CLEC4F: variants seen among roughly 807,000 people sequenced by gnomAD.
The protein encoded by CLEC4F is C-type (calcium dependent, carbohydrate-recognition domain) lectin, superfamily member 13.
Under a neutral mutation model 53.4 loss-of-function variants are expected in CLEC4F, and 45 were observed. That is an observed-to-expected ratio of 0.84 (90% CI 0.66 to 1.08). The LOEUF (loss-of-function observed/expected upper bound fraction) is 1.08. Ranked by LOEUF, CLEC4F falls within the 50% of genes least tolerant of loss-of-function variation. CLEC4F has a pLI of 0.00. For synonymous variants in CLEC4F, 245 were observed against 257.5 expected (o/e 0.95, Z 0.46); for missense variants, 753 against 698.2 (o/e 1.08, Z -0.88).
chr2:70,811,622 T>C (rs1553394290), intron 5 of CLEC4F: 1 of 302,494 alleles, frequency 3.3e-6, no homozygotes, highest in Non-Finnish European at 6.5e-6. Context: ...TTGTGGTTCT[T>C]TGTTAGTAAT....
At position 70,809,079 on chromosome 2, in the gene CLEC4F, C is replaced by T. The variant is rs1194595877; in HGVS notation, c.*192G>A. 167 of 1,545,996 alleles carry T rather than the reference C, an allele frequency of 1.1e-4. 2 individuals are homozygous for T. Among genetic ancestry groups the T allele is most frequent in the Non-Finnish European group, 1.4e-4 (165 of 1,146,916 alleles). ...TGTCAGACTGATTCTTTTCCCAAAA[C>T]CCGAAGACAACAGGGCTTTATACTG... On this transcript the variant is annotated 3_prime_UTR_variant, in exon 7 of 7. Transcript: ENST00000272367.
chr2:70,812,492 C>T lies in CLEC4F; in HGVS notation c.1494G>A (p.Val498=), dbSNP rs966927379. ...CAGATGCCAGATGGGCTCCCTGGGA[C>T]ACGCAGAACTGCTCAGCCTCATGCC... ...KSWHEAEQFC[V]SQGAHLASVA... Residue 498 remains valine (V), a synonymous_variant, in exon 5 of 7, where the codon GTG becomes GTA. Transcript: ENST00000272367. 9 of 1,614,082 alleles carry T rather than the reference C, an allele frequency of 5.6e-6. No individual in the cohort carries two copies. The highest frequency in any genetic ancestry group is 1.3e-5 in the African/African-American group (1 of 74,930).
intron 4 of CLEC4F, among the ~76,000 whole-genome samples, chr2:70,814,899 T>C (rs1385257869): frequency 6.7e-6 from 1 of 149,224 alleles, no homozygotes; most frequent in East Asian, 2.0e-4. Context: ...TTTTCAAAGC[T>C]CCTTGGGCGA....
At chr2:70,812,683 GC>G in intron 4 of CLEC4F, 85 bp from the exon 5 acceptor site, 1 of 1,364,342 alleles carries the variant, frequency 7.3e-7, no homozygotes, top group Non-Finnish European at 1.0e-6. Flanking sequence ...TCTAGGGCCT[GC>G]CCACTGAGGT....
chr2:70,819,519 G>T, intron 2 of CLEC4F, 75 bp from the exon 3 acceptor site: 1 of 1,391,042 alleles, frequency 7.2e-7, no homozygotes, highest in Non-Finnish European at 1.0e-6. Flanking sequence ...CCACACAGAG[G>T]TAGAGTTCCA....
chr2:70,809,038 T>G lies in CLEC4F; in HGVS notation c.*233A>C. The G allele has an allele frequency of 6.6e-7, 1 of 1,509,908 alleles. No individual in the cohort carries two copies. Among genetic ancestry groups the G allele is most frequent in the Non-Finnish European group, 8.9e-7 (1 of 1,122,306 alleles). The allele number at this position is 1,509,908 out of a possible 1,614,324, so 93.5% of individuals were successfully genotyped here. On this transcript the variant is annotated 3_prime_UTR_variant, in exon 7 of 7. Coordinates refer to ENST00000272367, the MANE Select transcript of CLEC4F (RefSeq NM_173535.3). ...TTGGACACAGTCTTCAGTCTGCCCA[T>G]TCTTGTGCCGCCAGTTGTCAGACTG...
intron 3 of CLEC4F, among the ~76,000 whole-genome samples, chr2:70,818,600 A>G (rs1677057358): frequency 6.6e-6 from 1 of 151,762 alleles, no homozygotes. Context: ...AGTCCTAGCT[A>G]CTCCAGAGGC....
At chr2:70,812,798 C>T (rs57342687) in intron 4 of CLEC4F, among the ~76,000 whole-genome samples, 200 bp from the exon 5 acceptor site, 2,316 of 152,262 alleles carry the variant, frequency 0.015, 58 homozygotes, top group African/African-American at 0.053. Context: ...GCCCTCAAGA[C>T]GCCTGGCTTG....
chr2:70,822,469 GC>G (rs1553398223), upstream of CLEC4F, among the ~76,000 whole-genome samples: 2 of 152,156 alleles, frequency 1.3e-5, no homozygotes, highest in African/African-American at 4.8e-5. Context: ...TGCTGGGTGG[GC>G]CTAGCATTAG....
intron 5 of CLEC4F, among the ~76,000 whole-genome samples, chr2:70,810,339 C>T (rs1553393874): frequency 1.3e-5 from 2 of 152,038 alleles, no homozygotes; most frequent in African/African-American, 2.4e-5. Context: ...CCATTTTAGG[C>T]CAGGCACAGT....
chr2:70,818,279 A>T lies in CLEC4F; in HGVS notation c.268+1076T>A, dbSNP rs1225553535. ...AGAATACGGAAGTAGACCCCCACAC[A>T]TATGGACAATCGAATTTCAACAAAG... On this transcript the variant is annotated intron_variant, in intron 3 of 6. Transcript: ENST00000272367. 3.3e-5 allele frequency among the ~76,000 whole-genome samples: 5 copies of T among 152,244 alleles called. No homozygotes were observed. The East Asian group carries it at 9.6e-4, about 29-fold the overall frequency.
upstream of CLEC4F, among the ~76,000 whole-genome samples, chr2:70,823,531 G>A (rs548825308): frequency 2.1e-4 from 32 of 152,328 alleles, no homozygotes; most frequent in African/African-American, 6.7e-4. Context: ...GAACTCTACG[G>A]ATCCCTTGCC....
rs1553393259 is a variant in CLEC4F at position 70,808,723 on chromosome 2, C to G, written c.*548G>C. 3.5e-6 allele frequency: 1 copy of G among 282,978 alleles called. No individual in the cohort carries two copies. Among genetic ancestry groups the G allele is most frequent in the African/African-American group, 2.2e-5 (1 of 45,790 alleles). The allele number at this position is 282,978 out of a possible 1,614,324, so 17.5% of individuals were successfully genotyped here. A position where few individuals can be genotyped will look rare whatever the true frequency, so the allele number is the denominator to read the frequency against. On this transcript the variant is annotated 3_prime_UTR_variant, in exon 7 of 7. Coordinates refer to ENST00000272367, the MANE Select transcript of CLEC4F (RefSeq NM_173535.3). ...GGGTGCTGAGGCTACAGGGGCACAG[C>G]AAGGCTCTTCCCTTGAGAAGCCACT... is the stretch of plus-strand genomic sequence containing the variant.
upstream of CLEC4F, among the ~76,000 whole-genome samples, chr2:70,822,014 C>T (rs1165435438): frequency 2.6e-5 from 4 of 152,202 alleles, no homozygotes; most frequent in African/African-American, 9.6e-5. Context: ...CCACCTCAGC[C>T]TCCCAAAGTG....
In CLEC4F at chr2:70,816,817, T is replaced by C; in HGVS notation, c.564A>G (p.Glu188=). Residue 188 remains glutamate (E), a synonymous_variant, in exon 4 of 7, where the codon GAA becomes GAG. Transcript: ENST00000272367. ...AEIQRLKEDL[E]KADALTFQTL... ...TCTGGAAAGTTAAAGCATCTGCCTTTTCAAGGTCTTCCTTGAGCCTCTGGA... is the reference window on the plus strand; with the variant it reads ...TCTGGAAAGTTAAAGCATCTGCCTTCTCAAGGTCTTCCTTGAGCCTCTGGA... 1 of 1,613,964 alleles carries C rather than the reference T, an allele frequency of 6.2e-7. No homozygotes were observed. Among genetic ancestry groups the C allele is most frequent in the African/African-American group, 1.3e-5 (1 of 74,956 alleles).
In CLEC4F at chr2:70,820,496, T is replaced by A; in HGVS notation, c.28A>T (p.Thr10Ser). Reference sequence around the variant, plus strand: ...TGCAGGGAGACACACTGGTTATCTGTGCAGAAGCGGACTGCCTCACCGTCC... The same window carrying A: ...TGCAGGGAGACACACTGGTTATCTGAGCAGAAGCGGACTGCCTCACCGTCC... MDGEAVRFC[T>S]DNQCVSLHPQ... The change falls in exon 1 of 7, where the codon ACA becomes TCA. Residue 10 changes from threonine (T) to serine (S), a missense_variant. Transcript: ENST00000272367. 1.9e-6 allele frequency: 3 copies of A among 1,591,028 alleles called. No individual in the cohort carries two copies. The highest frequency in any genetic ancestry group is 2.6e-6 in the Non-Finnish European group (3 of 1,166,842).
chr2:70,819,699 G>T, intron 2 of CLEC4F, 76 bp downstream of exon 2: 1 of 1,018,852 alleles, frequency 9.8e-7, no homozygotes, highest in Non-Finnish European at 1.5e-6. Flanking sequence ...CCCAGAGAGT[G>T]TGCATCTGGG....
chr2:70,809,887 C>G (rs782068286), intron 5 of CLEC4F, 30 bp from the exon 6 acceptor site: 3 of 1,535,156 alleles, frequency 2.0e-6, no homozygotes, highest in East Asian at 4.5e-5. Flanking sequence ...TCAGTTTGCC[C>G]CTGTGTGTGG....
At position 70,816,176 on chromosome 2, in the gene CLEC4F, G is replaced by C. The variant is rs368089929; in HGVS notation, c.1205C>G (p.Ala402Gly). 190 of 1,614,058 alleles carry C rather than the reference G, an allele frequency of 1.2e-4. No individual in the cohort carries two copies. The highest frequency in any genetic ancestry group is 1.5e-4 in the Non-Finnish European group (178 of 1,180,046). Reference sequence around the variant, plus strand: ...TAACATCTGGGTCTGGGAAGTTAAGGCTGAAGCATTCTTCATTCCTTGTTT... The same window carrying C: ...TAACATCTGGGTCTGGGAAGTTAAGCCTGAAGCATTCTTCATTCCTTGTTT... ...TLKQGMKNAS[A>G]LTSQTQMLDS... The change falls in exon 4 of 7, where the codon GCC becomes GGC. Residue 402 changes from alanine to glycine, a missense_variant. Physicochemically the swap from Ala to Gly is moderately conservative, Grantham distance 60. Coordinates refer to ENST00000272367, the MANE Select transcript of CLEC4F (RefSeq NM_173535.3).
Sources: gnomAD v4.1 joint callset for allele counts (sites outside exome capture counted in the v4.1 genomes callset) on GRCh38, gnomAD v4.1.1 for gene constraint, MANE v1.5 for transcripts, NCBI Gene and HGNC (gene_info 2026-07-23, HGNC 2026-07-21) for gene names.